The following MICAL2 variants were observed in gnomAD, a reference collection of about 807,000 sequenced individuals.
The protein encoded by MICAL2 is [F-actin]-monooxygenase MICAL2.
Under a neutral mutation model 127.3 loss-of-function variants are expected in MICAL2, and 77 were observed. That is an observed-to-expected ratio of 0.60 (90% CI 0.50 to 0.73). The LOEUF is 0.73. MICAL2 is among the 30% of genes least tolerant of loss of function. The pLI is 0.00. For synonymous variants in MICAL2, 570 were observed against 551.1 expected (o/e 1.03, Z -0.48); for missense variants, 1,351 against 1,434.4 (o/e 0.94, Z 0.94).
chr11:12,167,403 G>A (rs945932139), intron 3 of MICAL2, among the ~76,000 whole-genome samples: 4 of 152,106 alleles, frequency 2.6e-5, no homozygotes, highest in African/African-American at 9.7e-5. Flanking sequence ...AGGGCCAGAC[G>A]GCCCTATGGT....
intron 2 of MICAL2, among the ~76,000 whole-genome samples, chr11:12,142,146 T>C (rs1205564717): frequency 6.6e-6 from 1 of 152,148 alleles, no homozygotes; most frequent in Admixed American, 6.5e-5. Context: ...CGTGCCTTCC[T>C]CTTTTCTCCT....
chr11:12,210,232 C>T (rs1855274577), intron 6 of MICAL2, among the ~76,000 whole-genome samples: 1 of 152,088 alleles, frequency 6.6e-6, no homozygotes, highest in Admixed American at 6.6e-5. Flanking sequence ...GAGAGAAACC[C>T]CATTGCCAGA....
At chr11:12,248,438 T>C (rs994439618) in intron 21 of MICAL2, among the ~76,000 whole-genome samples, 1 of 152,228 alleles carries the variant, frequency 6.6e-6, no homozygotes, top group Non-Finnish European at 1.5e-5. Flanking sequence ...GAGGCCACTG[T>C]GCTGCTCTGG....
At chr11:12,256,591 A>T in intron 23 of MICAL2, 194 bp from the exon 24 acceptor site, 1 of 517,284 alleles carries the variant, frequency 1.9e-6, no homozygotes, top group Non-Finnish European at 3.4e-6. Flanking sequence ...CAGTTAACAG[A>T]AGCCCCTGCA....
intron 25 of MICAL2, 41 bp downstream of exon 25, chr11:12,258,597 C>T: frequency 6.4e-7 from 1 of 1,573,324 alleles, no homozygotes; most frequent in Non-Finnish European, 8.7e-7. Context: ...GGGGAAGGCC[C>T]CTTGATAAGG....
chr11:12,334,684 TGTGA>T (rs1938716483), intron 32 of MICAL2, among the ~76,000 whole-genome samples: 1 of 143,496 alleles, frequency 7.0e-6, no homozygotes, highest in African/African-American at 2.6e-5. Context: ...AATTCCCACC[TGTGA>T]GTGAGAACAT....
At chr11:12,211,001 T>C (rs938504714) in intron 6 of MICAL2, among the ~76,000 whole-genome samples, 3 of 152,094 alleles carry the variant, frequency 2.0e-5, no homozygotes, top group Non-Finnish European at 4.4e-5. Flanking sequence ...AGCTAAGAAA[T>C]GCTAGATGAG....
chr11:12,112,215 C>G (rs1367078083), intron 1 of MICAL2, among the ~76,000 whole-genome samples: 1 of 152,126 alleles, frequency 6.6e-6, no homozygotes, highest in Admixed American at 6.5e-5. Context: ...GGACCATGGC[C>G]CCACAGCGTG....
chr11:12,291,087 G>A (rs12799788), downstream of MICAL2, among the ~76,000 whole-genome samples: 249 of 152,302 alleles, frequency 1.6e-3, no homozygotes, highest in Non-Finnish European at 2.9e-3. Context: ...TTGAACAAGA[G>A]AGTGGACTCG....
chr11:12,226,190 G>A lies in MICAL2; in HGVS notation c.1708G>A (p.Glu570Lys), dbSNP rs752344383. The A allele has an allele frequency of 6.2e-7, 1 of 1,614,256 alleles. No individual in the cohort carries two copies. Among genetic ancestry groups the A allele is most frequent in the South Asian group, 1.1e-5 (1 of 91,086 alleles). The part of the protein sequence containing the change: ...PELINFDSLN[E>K]DDAVENNQLA... ...CTCTAGCAACTTTGACTCTTTGAAT[G>A]AAGATGATGCTGTGGAGAACAACCA... Residue 570 changes from glutamate to lysine, a missense_variant, in exon 14 of 28, where the codon GAA becomes AAA. Coordinates refer to ENST00000683283, the MANE Select transcript of MICAL2 (RefSeq NM_001282663.2).
chr11:12,115,653 T>G (rs1248883535), intron 1 of MICAL2, among the ~76,000 whole-genome samples: 1 of 152,106 alleles, frequency 6.6e-6, no homozygotes, highest in African/African-American at 2.4e-5. Flanking sequence ...CTAACAAAAT[T>G]TTAAGTTTTC....
chr11:12,262,401 A>T (rs1863252462), intron 26 of MICAL2, 79 bp from the exon 27 acceptor site: 2 of 1,601,844 alleles, frequency 1.2e-6, no homozygotes, highest in South Asian at 2.2e-5. Flanking sequence ...TCGTGATGTT[A>T]ATCATTTCCT....
At chr11:12,348,144 ACT>A (rs1260373620) in intron 32 of MICAL2, among the ~76,000 whole-genome samples, 6 of 103,892 alleles carry the variant, frequency 5.8e-5, no homozygotes, top group African/African-American at 1.2e-4. Context: ...ACAGAGAAAG[ACT>A]CTGTCTCAAA....
chr11:12,234,928 C>T (rs1021502999), intron 15 of MICAL2, among the ~76,000 whole-genome samples: 1 of 152,172 alleles, frequency 6.6e-6, no homozygotes, highest in African/African-American at 2.4e-5. Context: ...TGGCCTGCAG[C>T]ACTTCCCCCT....
In MICAL2 at chr11:12,125,314, C is replaced by T. The variant is rs368421709; in HGVS notation, c.-148-13076C>T. 3.5e-3 allele frequency among the ~76,000 whole-genome samples: 529 copies of T among 152,348 alleles called. 6 individuals carry two copies. The highest frequency in any genetic ancestry group is 1.0e-2 in the African/African-American group (414 of 41,584). On this transcript the variant is annotated intron_variant, in intron 1 of 27. Transcript: ENST00000683283. ...TGTCACCCAGGATGGAGTGCAGTGGCGCGATCTCGGCTCACTGCAACCTCC... is the reference window on the plus strand; with the variant it reads ...TGTCACCCAGGATGGAGTGCAGTGGTGCGATCTCGGCTCACTGCAACCTCC...
At chr11:12,316,067 A>G (rs2134832146) in intron 29 of MICAL2, among the ~76,000 whole-genome samples, 1 of 152,180 alleles carries the variant, frequency 6.6e-6, no homozygotes, top group Middle Eastern at 3.4e-3. Flanking sequence ...CTGGTCCACA[A>G]ATTACTTTGA....
intron 4 of MICAL2, among the ~76,000 whole-genome samples, chr11:12,205,484 G>C (rs1457845340): frequency 6.6e-6 from 1 of 152,098 alleles, no homozygotes; most frequent in East Asian, 1.9e-4. Context: ...CATGGATTTT[G>C]GCATACTCAG....
chr11:12,247,494 C>T (rs1860915124), intron 21 of MICAL2, among the ~76,000 whole-genome samples: 1 of 152,318 alleles, frequency 6.6e-6, no homozygotes, highest in East Asian at 1.9e-4. Flanking sequence ...GGGCAAGTCA[C>T]TTAGCCTCTC....
intron 4 of MICAL2, among the ~76,000 whole-genome samples, chr11:12,207,132 G>C (rs10500753): frequency 0.24 from 36,663 of 151,800 alleles, 5,186 homozygotes; most frequent in Non-Finnish European, 0.31. Flanking sequence ...TCCTCTCTCT[G>C]TGGGATTTGA....
Sources: allele counts gnomAD v4.1 joint callset (sites outside exome capture counted in the v4.1 genomes callset), GRCh38; gene constraint gnomAD v4.1.1; transcripts MANE v1.5; gene names NCBI Gene and HGNC (gene_info 2026-07-23, HGNC 2026-07-21).